Variants in DCBLD2 observed in about 807,000 individuals in gnomAD.
DCBLD2 encodes discoidin, CUB and LCCL domain-containing protein 2.
DCBLD2 carries 54 observed loss-of-function variants against 86.8 expected under a neutral mutation model. That is an observed-to-expected ratio of 0.62 (90% CI 0.50 to 0.78). The LOEUF (loss-of-function observed/expected upper bound fraction) is 0.78. Among genes scored for constraint, DCBLD2 ranks in the 30% least tolerant of loss-of-function variants. The pLI is 0.00. For missense variants in DCBLD2, 908 were observed against 954.2 expected, an observed-to-expected ratio of 0.95 and a Z score of 0.64; for synonymous variants, 354 against 341.3, an observed-to-expected ratio of 1.04 and a Z score of -0.41.
chr3:98,861,540 T>C (rs1943044716), intron 2 of DCBLD2, among the ~76,000 whole-genome samples: 1 of 152,198 alleles, frequency 6.6e-6, no homozygotes, highest in Non-Finnish European at 1.5e-5. Context: ...CAGACCACAG[T>C]GCAATCAAAC....
chr3:98,865,815 T>A (rs1355421009), intron 2 of DCBLD2, among the ~76,000 whole-genome samples: 1 of 151,712 alleles, frequency 6.6e-6, no homozygotes, highest in East Asian at 1.9e-4. Context: ...ACCCATTAAC[T>A]CGTCATTTAC....
At chr3:98,863,604 A>C (rs1269940782) in intron 2 of DCBLD2, among the ~76,000 whole-genome samples, 5 of 152,186 alleles carry the variant, frequency 3.3e-5, no homozygotes, top group Admixed American at 2.0e-4. Context: ...CAAAAACAAG[A>C]AATGGGGAAA....
chr3:98,811,066 T>G, intron 12 of DCBLD2, 128 bp downstream of exon 12: 1 of 1,056,152 alleles, frequency 9.5e-7, no homozygotes, highest in Non-Finnish European at 1.3e-6. Context: ...AAATAAATTT[T>G]TTTTTTTGCT....
At chr3:98,836,665 G>A (rs1942460795) in intron 3 of DCBLD2, among the ~76,000 whole-genome samples, 1 of 122,562 alleles carries the variant, frequency 8.2e-6, no homozygotes, top group African/African-American at 3.0e-5. Context: ...TTCCCAGTAG[G>A]GGCGGCCGGG....
chr3:98,812,295 C>A (rs374247631), intron 10 of DCBLD2, 37 bp downstream of exon 10: 5 of 1,604,024 alleles, frequency 3.1e-6, no homozygotes, highest in Non-Finnish European at 4.2e-6. Context: ...AATTGGCAAT[C>A]CAGTAAAAAC....
At chr3:98,810,712 G>T (rs1941923223) in intron 12 of DCBLD2, among the ~76,000 whole-genome samples, 1 of 152,004 alleles carries the variant, frequency 6.6e-6, no homozygotes, top group African/African-American at 2.4e-5. Flanking sequence ...CTTAAAAAGA[G>T]ACCAAAGTTT....
intron 13 of DCBLD2, among the ~76,000 whole-genome samples, chr3:98,802,836 T>G (rs1017629947): frequency 1.5e-4 from 23 of 152,242 alleles, no homozygotes; most frequent in African/African-American, 5.3e-4. Flanking sequence ...TTTTGTCAGG[T>G]TTGTCAAAGA....
intron 3 of DCBLD2, among the ~76,000 whole-genome samples, chr3:98,849,160 ACT>A (rs1463870781): frequency 3.6e-5 from 3 of 82,422 alleles, no homozygotes; most frequent in African/African-American, 1.3e-4. Context: ...CAAGAGCAAA[ACT>A]CTGTCTCAAA....
chr3:98,895,698 T>C lies in DCBLD2; in HGVS notation c.205+5424A>G, dbSNP rs958720162. Among the ~76,000 whole-genome samples the C allele has an allele frequency of 7.2e-5, 11 of 152,182 alleles. 1 individual carries two copies. The highest frequency in any genetic ancestry group is 3.2e-3 in the Middle Eastern group (1 of 316). ...TATTATTATAGTAGGCGTCTCCTGC[T>C]TCTCCAGGAGTGGTGAGTTCTCTCT... On this transcript the variant is annotated intron_variant, in intron 1 of 15. Coordinates refer to ENST00000326840, the MANE Select transcript of DCBLD2 (RefSeq NM_080927.4).
At chr3:98,836,946 C>A (rs867138263) in intron 3 of DCBLD2, among the ~76,000 whole-genome samples, 3 of 80,122 alleles carry the variant, frequency 3.7e-5, no homozygotes, top group East Asian at 3.3e-4. Context: ...CCCTCCCGGA[C>A]GGGGCGGCTG....
At chr3:98,876,958 C>A (rs1943383468) in intron 2 of DCBLD2, among the ~76,000 whole-genome samples, 1 of 151,906 alleles carries the variant, frequency 6.6e-6, no homozygotes, top group East Asian at 1.9e-4. Flanking sequence ...AAGGAGAAAA[C>A]AGAAAATATA....
chr3:98,862,473 A>C (rs1943061580), intron 2 of DCBLD2, among the ~76,000 whole-genome samples: 1 of 152,238 alleles, frequency 6.6e-6, no homozygotes, highest in Non-Finnish European at 1.5e-5. Flanking sequence ...ATCCTCAATA[A>C]AATACTGGCA....
intron 1 of DCBLD2, among the ~76,000 whole-genome samples, chr3:98,884,611 T>C (rs1943527819): frequency 1.3e-5 from 2 of 152,082 alleles, no homozygotes. Context: ...TTCCTAACAT[T>C]ATAAAACTAG....
At position 98,835,938 on chromosome 3, in the gene DCBLD2, C is replaced by CTTTTTTT. The variant is rs66958811; in HGVS notation, c.572-10579_572-10573dup. ...TCTTTCTTTCTTCCTTCCTTTCTTTCTTTTTTTTTTTTTTTAAGATTTTTA... is the reference window on the plus strand; with the variant it reads ...TCTTTCTTTCTTCCTTCCTTTCTTTCTTTTTTTTTTTTTTTTTTTTTTAAGATTTTTA... On this transcript the variant is annotated intron_variant, in intron 3 of 15. Coordinates refer to ENST00000326840, the MANE Select transcript of DCBLD2 (RefSeq NM_080927.4). 6.8e-4 allele frequency among the ~76,000 whole-genome samples: 78 copies of CTTTTTTT among 115,066 alleles called. 1 individual carries two copies. The East Asian group carries it at 8.8e-3, about 13-fold the overall frequency. 75.5% of individuals were successfully genotyped at this position (115,066 alleles called of 152,430 possible). A position where few individuals can be genotyped will look rare whatever the true frequency, so the allele number is the denominator to read the frequency against.
chr3:98,873,801 A>G (rs1205571772), intron 2 of DCBLD2, among the ~76,000 whole-genome samples: 1 of 152,142 alleles, frequency 6.6e-6, no homozygotes. Context: ...ATCAAGATTC[A>G]TTTTTTGGAA....
chr3:98,879,065 C>A (rs1016728322), intron 2 of DCBLD2, among the ~76,000 whole-genome samples: 3 of 152,268 alleles, frequency 2.0e-5, no homozygotes, highest in African/African-American at 7.2e-5. Context: ...CCAACAGTGC[C>A]ACTATGTATT....
intron 13 of DCBLD2, among the ~76,000 whole-genome samples, chr3:98,805,435 T>C (rs1941819232): frequency 6.6e-6 from 1 of 152,238 alleles, no homozygotes; most frequent in South Asian, 2.1e-4. Flanking sequence ...AACAAATTTA[T>C]GGCATCAATA....
At chr3:98,884,885 C>CT (rs982674671) in intron 1 of DCBLD2, among the ~76,000 whole-genome samples, 23 of 152,074 alleles carry the variant, frequency 1.5e-4, no homozygotes, top group African/African-American at 5.1e-4. Context: ...TATTATTCAA[C>CT]TTACGGTTGT....
At chr3:98,822,802 C>G (rs538588947) in intron 4 of DCBLD2, 61 bp from the exon 5 acceptor site, 5 of 1,423,560 alleles carry the variant, frequency 3.5e-6, no homozygotes, top group Non-Finnish European at 4.7e-6. Context: ...AAAAAAGCAA[C>G]CCCCCAAAAA....
Sources: gnomAD v4.1 joint callset for allele counts (sites outside exome capture counted in the v4.1 genomes callset) on GRCh38, gnomAD v4.1.1 for gene constraint, MANE v1.5 for transcripts, NCBI Gene and HGNC (gene_info 2026-07-23, HGNC 2026-07-21) for gene names.